AFTPH: variants seen among roughly 807,000 people sequenced by gnomAD.
AFTPH encodes aftiphilin protein.
A neutral mutation model predicts 72.5 loss-of-function variants in AFTPH; 7 were observed. The observed-to-expected ratio is 0.10, with a 90% CI of 0.05 to 0.18. The LOEUF is 0.18. Ranked by LOEUF, AFTPH falls within the 10% of genes least tolerant of loss-of-function variation. AFTPH has a pLI of 1.00. For missense variants in AFTPH, 979 were observed against 1,060.5 expected (o/e 0.92, Z 1.07); for synonymous variants, 337 against 370.1 (o/e 0.91, Z 1.03).
intron 6 of AFTPH, among the ~76,000 whole-genome samples, chr2:64,574,484 T>G (rs1469657728): frequency 6.6e-6 from 1 of 152,218 alleles, no homozygotes; most frequent in Non-Finnish European, 1.5e-5. Flanking sequence ...GACCTTTTAT[T>G]GCAGAGATCA....
chr2:64,585,343 G>A (rs1673442109), intron 7 of AFTPH, 79 bp from the exon 9 acceptor site: 2 of 1,534,094 alleles, frequency 1.3e-6, no homozygotes, highest in Non-Finnish European at 1.8e-6. Flanking sequence ...ACAGAATATT[G>A]CCTTTTGCAT....
chr2:64,534,932 C>T (rs1669807482), intron 1 of AFTPH, among the ~76,000 whole-genome samples: 1 of 152,084 alleles, frequency 6.6e-6, no homozygotes, highest in South Asian at 2.1e-4. Flanking sequence ...AAAATTGTCA[C>T]AGTGCTTTAA....
In AFTPH at chr2:64,538,243, T is replaced by TAC. The variant is rs554366708; in HGVS notation, c.-32-13200_-32-13199insAC. 1.6e-4 allele frequency among the ~76,000 whole-genome samples: 24 copies of TAC among 152,298 alleles called. No homozygotes were observed. In the South Asian group the frequency reaches 4.1e-3, roughly 26 times the overall value. ...TCAAGTTGTTTCTAACCAGATGTATTGGGTACCCTGCAAATAAATGTTATA... is the reference window on the plus strand; with the variant it reads ...TCAAGTTGTTTCTAACCAGATGTATTACGGGTACCCTGCAAATAAATGTTATA... On this transcript the variant is annotated intron_variant, in intron 1 of 8. Coordinates refer to ENST00000238856, the Ensembl canonical transcript of AFTPH.
intron 1 of AFTPH, among the ~76,000 whole-genome samples, chr2:64,537,283 G>T (rs999455676): frequency 4.6e-5 from 7 of 152,176 alleles, no homozygotes; most frequent in Non-Finnish European, 8.8e-5. Context: ...AAGGTGGAAG[G>T]AGGGAAGAGG....
chr2:64,539,676 G>C (rs72888884), intron 1 of AFTPH, among the ~76,000 whole-genome samples: 1,707 of 152,272 alleles, frequency 0.011, 36 homozygotes, highest in African/African-American at 0.039. Flanking sequence ...TTTAGTTCCT[G>C]CTGTGAGCCA....
In AFTPH at chr2:64,527,781, C is replaced by T. The variant is rs80257715; in HGVS notation, c.-33+3169C>T. 7.8e-4 allele frequency among the ~76,000 whole-genome samples: 119 copies of T among 152,290 alleles called. 1 individual carries two copies. In the East Asian group the frequency reaches 0.021, roughly 26 times the overall value. ...TAAGAATTGTTTGCCTCTCCAGATTCCTCTGCATTAACTTCCCTTGCCTGG... is the reference window on the plus strand; with the variant it reads ...TAAGAATTGTTTGCCTCTCCAGATTTCTCTGCATTAACTTCCCTTGCCTGG... On this transcript the variant is annotated intron_variant, in intron 1 of 8. Coordinates refer to ENST00000238856, the Ensembl canonical transcript of AFTPH.
exon 1 of AFTPH, chr2:64,524,457 G>C (rs1195183721): frequency 2.5e-6 from 1 of 402,374 alleles, no homozygotes; most frequent in African/African-American, 2.0e-5. Flanking sequence ...GAAACTCCGG[G>C]TGGGCGTCCA....
chr2:64,545,343 C>A (rs1437048952), intron 1 of AFTPH, among the ~76,000 whole-genome samples: 4 of 151,256 alleles, frequency 2.6e-5, no homozygotes, highest in Non-Finnish European at 5.9e-5. Flanking sequence ...AACTTACATG[C>A]CCACAAAAAC....
At chr2:64,548,425 A>G (rs987293323) in intron 1 of AFTPH, among the ~76,000 whole-genome samples, 4 of 150,154 alleles carry the variant, frequency 2.7e-5, no homozygotes, top group Non-Finnish European at 5.9e-5. Context: ...AAAAAAAAAA[A>G]AAAAAAAAAA....
chr2:64,548,916 A>G (rs1670844208), intron 1 of AFTPH, among the ~76,000 whole-genome samples: 1 of 152,332 alleles, frequency 6.6e-6, no homozygotes, highest in African/African-American at 2.4e-5. Context: ...ATATATTACA[A>G]TGGAGCCTTT....
At chr2:64,527,970 G>A in intron 1 of AFTPH, among the ~76,000 whole-genome samples, 1 of 152,184 alleles carries the variant, frequency 6.6e-6, no homozygotes, top group Admixed American at 6.5e-5. Context: ...GAAAGGAGGT[G>A]GGGAATCACT....
exon 2 of AFTPH, chr2:64,553,303 A>T (rs1671160600): frequency 6.2e-7 from 1 of 1,614,018 alleles, no homozygotes; most frequent in African/African-American, 1.3e-5. Flanking sequence ...AGGACAGATG[A>T]AAATATTGAT....
chr2:64,534,496 C>T (rs1669784557), intron 1 of AFTPH, among the ~76,000 whole-genome samples: 1 of 152,184 alleles, frequency 6.6e-6, no homozygotes, highest in Non-Finnish European at 1.5e-5. Flanking sequence ...GTTACCACTT[C>T]CTCTTCTTTT....
At chr2:64,529,616 CA>C (rs202007752) in intron 1 of AFTPH, among the ~76,000 whole-genome samples, 6 of 137,776 alleles carry the variant, frequency 4.4e-5, no homozygotes, top group Admixed American at 7.4e-5. Context: ...AATAGACAAG[CA>C]AAAAAAAACA....
intron 6 of AFTPH, among the ~76,000 whole-genome samples, chr2:64,578,031 A>G (rs1310533690): frequency 6.6e-6 from 1 of 152,146 alleles, no homozygotes; most frequent in African/African-American, 2.4e-5. Context: ...AACCATCCCT[A>G]TCCCATCCCT....
At chr2:64,533,103 A>G (rs957670892) in intron 1 of AFTPH, among the ~76,000 whole-genome samples, 4 of 152,164 alleles carry the variant, frequency 2.6e-5, no homozygotes, top group African/African-American at 9.7e-5. Context: ...TTTCTGCTGT[A>G]TTAATAGATC....
intron 2 of AFTPH, among the ~76,000 whole-genome samples, chr2:64,554,462 A>C (rs1671240471): frequency 6.6e-6 from 1 of 152,222 alleles, no homozygotes; most frequent in Non-Finnish European, 1.5e-5. Context: ...CAGAATCTAC[A>C]AACTTTATTT....
intron 2 of AFTPH, among the ~76,000 whole-genome samples, chr2:64,562,702 C>T (rs1329824435): frequency 6.6e-6 from 1 of 152,138 alleles, no homozygotes; most frequent in Non-Finnish European, 1.5e-5. Flanking sequence ...TAATGTCTGC[C>T]ACATGGTGGG....
intron 1 of AFTPH, among the ~76,000 whole-genome samples, chr2:64,547,094 GA>G (rs1327272051): frequency 6.6e-6 from 1 of 152,098 alleles, no homozygotes; most frequent in Non-Finnish European, 1.5e-5. Flanking sequence ...TCACAATCAA[GA>G]AATTAACCTT....
Sources: gnomAD v4.1 joint callset for allele counts (sites outside exome capture counted in the v4.1 genomes callset) on GRCh38, gnomAD v4.1.1 for gene constraint, MANE v1.5 for transcripts, NCBI Gene and HGNC (gene_info 2026-07-23, HGNC 2026-07-21) for gene names.